Variants in PSD3 observed in about 807,000 individuals in gnomAD.
PSD3 encodes PH and SEC7 domain-containing protein 3.
PSD3 carries 49 observed loss-of-function variants against 105.5 expected under a neutral mutation model. The observed-to-expected ratio is 0.46, with a 90% CI of 0.37 to 0.59. The LOEUF (loss-of-function observed/expected upper bound fraction) is 0.59. Among genes scored for constraint, PSD3 ranks in the 20% least tolerant of loss-of-function variants. The pLI is 0.00. For missense variants in PSD3, 1,561 were observed against 1,263.8 expected (o/e 1.24, Z -3.57); for synonymous variants, 557 against 457.8 (o/e 1.22, Z -2.77).
Position 18,871,736 on chromosome 8 carries a change from C to T in PSD3, c.1128G>A (p.Ser376=), listed in dbSNP as rs200166498. Residue 376 remains serine, a synonymous_variant, in exon 3 of 16, where the codon TCG becomes TCA. Transcript: ENST00000327040. The part of the protein sequence containing the change: ...KAPSERPGTS[S]GTFSPVRLDE... Reference sequence around the variant, plus strand: ...CAAGACGCACAGGGGAAAATGTCCCCGAGCTAGTGCCAGGCCTCTCTGAAG... The same window carrying T: ...CAAGACGCACAGGGGAAAATGTCCCTGAGCTAGTGCCAGGCCTCTCTGAAG... 2.0e-5 allele frequency: 33 copies of T among 1,614,022 alleles called. No homozygotes were observed. Among genetic ancestry groups the T allele is most frequent in the African/African-American group, 1.6e-4 (12 of 74,888 alleles).
At chr8:18,730,080 G>T (rs1188696928) in intron 9 of PSD3, 1 of 152,164 alleles carries the variant, frequency 6.6e-6, no homozygotes, top group Non-Finnish European at 1.5e-5. Context: ...TCAAAAATAA[G>T]AAATATGCTC....
At chr8:18,539,814 G>A (rs1014053814) in intron 15 of PSD3, among the ~76,000 whole-genome samples, 35 of 152,094 alleles carry the variant, frequency 2.3e-4, no homozygotes, top group African/African-American at 8.4e-4. Flanking sequence ...TCAAACTGCT[G>A]GGATTACAAG....
rs531084578 is a variant in PSD3, at chr8:18,677,926, T to C, written c.2173-22241A>G. 2.3e-3 allele frequency among the ~76,000 whole-genome samples: 345 copies of C among 150,164 alleles called. 2 individuals are homozygous for C. The highest frequency in any genetic ancestry group is 7.9e-3 in the African/African-American group (324 of 40,774). ...TCGGGAGGCTGAAGCAGGAGAGTGG[T>C]GTGAACCTGGGAGGCAGAGCTTGCA... On this transcript the variant is annotated intron_variant, in intron 9 of 15. Transcript: ENST00000327040.
chr8:18,613,324 G>A (rs1045634664), intron 11 of PSD3, among the ~76,000 whole-genome samples: 37 of 152,126 alleles, frequency 2.4e-4, no homozygotes, highest in African/African-American at 8.5e-4. Flanking sequence ...GGGGCCTTGG[G>A]AAGTTTGCAC....
chr8:18,940,775 C>T (rs1822485037), intron 1 of PSD3, among the ~76,000 whole-genome samples: 1 of 152,190 alleles, frequency 6.6e-6, no homozygotes, highest in Non-Finnish European at 1.5e-5. Flanking sequence ...TGTGCCCCTT[C>T]CCTAGATATA....
At chr8:18,555,851 C>CT (rs1190207297) in intron 15 of PSD3, among the ~76,000 whole-genome samples, 2 of 152,108 alleles carry the variant, frequency 1.3e-5, no homozygotes, top group Non-Finnish European at 2.9e-5. Context: ...CTCCCTTGTG[C>CT]TTTTTTTGAC....
rs1023967073 is a variant in PSD3 at position 19,072,184 on chromosome 8, C to T, written c.324+12022G>A. On this transcript the variant is annotated intron_variant, in intron 1 of 1. Coordinates refer to the PSD3 transcript ENST00000521475. ...TGGCACGATCTCTGCTCACTGCAGCCTCCACCTCCTGGGTTCAAGCAATTC... is the reference window on the plus strand; with the variant it reads ...TGGCACGATCTCTGCTCACTGCAGCTTCCACCTCCTGGGTTCAAGCAATTC... Among the ~76,000 whole-genome samples, 3 of 151,808 alleles carry T rather than the reference C, an allele frequency of 2.0e-5. No individual in the cohort carries two copies. The South Asian group carries it at 6.2e-4, about 32-fold the overall frequency.
chr8:18,916,325 TATATATATATATATATATATATATAC>T (rs1820590452), intron 2 of PSD3, among the ~76,000 whole-genome samples: 2 of 57,628 alleles, frequency 3.5e-5, no homozygotes, highest in Non-Finnish European at 6.4e-5. Flanking sequence ...TATATATATA[TATATATATATATATATATATATATAC>T]ACACACACAC....
At chr8:18,757,234 T>C (rs1806124760) in intron 9 of PSD3, among the ~76,000 whole-genome samples, 1 of 150,552 alleles carries the variant, frequency 6.6e-6, no homozygotes, top group Admixed American at 6.6e-5. Flanking sequence ...GGGTGGATCA[T>C]TTGAGGTCAG....
intron 1 of PSD3, among the ~76,000 whole-genome samples, chr8:18,992,765 G>C (rs1825872267): frequency 6.6e-6 from 1 of 151,930 alleles, no homozygotes; most frequent in Non-Finnish European, 1.5e-5. Context: ...TAGTGGACTT[G>C]AAGTCAACAC....
chr8:18,793,756 T>C (rs1809971406), intron 8 of PSD3, among the ~76,000 whole-genome samples: 1 of 152,122 alleles, frequency 6.6e-6, no homozygotes, highest in South Asian at 2.1e-4. Flanking sequence ...AGAAGAGGTA[T>C]CCACAGGGAA....
At chr8:18,679,760 TCACTATG>T (rs1411498766) in intron 9 of PSD3, among the ~76,000 whole-genome samples, 5 of 152,198 alleles carry the variant, frequency 3.3e-5, no homozygotes, top group African/African-American at 1.2e-4. Flanking sequence ...GGCCAATGTT[TCACTATG>T]CACCAACCAA....
At chr8:18,684,320 G>A (rs1800548334) in intron 9 of PSD3, among the ~76,000 whole-genome samples, 1 of 150,768 alleles carries the variant, frequency 6.6e-6, no homozygotes, top group Non-Finnish European at 1.5e-5. Context: ...ATTCCAAAAA[G>A]CAACACTATT....
intron 11 of PSD3, among the ~76,000 whole-genome samples, chr8:18,628,151 T>C (rs868845501): frequency 3.3e-5 from 5 of 151,934 alleles, no homozygotes; most frequent in Non-Finnish European, 5.9e-5. Flanking sequence ...GAGTATCATA[T>C]AGCAAACAAG....
chr8:19,004,737 C>T lies in PSD3; in HGVS notation c.21+8826G>A, dbSNP rs182418403. On this transcript the variant is annotated intron_variant, in intron 1 of 15. Transcript: ENST00000327040. ...CGGAACTCCCACAATTCCCATGTGT[C>T]GTGTGAGGAAGCCGGTGGAAGGTAA... Among the ~76,000 whole-genome samples the T allele has an allele frequency of 1.3e-5, 2 of 152,004 alleles. 1 individual carries two copies. The highest frequency in any genetic ancestry group is 2.9e-5 in the Non-Finnish European group (2 of 67,960).
intron 14 of PSD3, among the ~76,000 whole-genome samples, chr8:18,567,700 G>C (rs1178367437): frequency 1.3e-5 from 2 of 152,150 alleles, no homozygotes; most frequent in Non-Finnish European, 2.9e-5. Context: ...CAACACTTGA[G>C]CACATTTTCC....
At chr8:18,945,509 T>C (rs1563449949) in intron 1 of PSD3, among the ~76,000 whole-genome samples, 1 of 152,224 alleles carries the variant, frequency 6.6e-6, no homozygotes, top group Non-Finnish European at 1.5e-5. Flanking sequence ...CTAAGACTCC[T>C]TTCCGACTTC....
Position 18,801,576 on chromosome 8 carries a change from T to C in PSD3, c.1911-194A>G, listed in dbSNP as rs111262260. On this transcript the variant is annotated intron_variant, in intron 6 of 15. Coordinates refer to ENST00000327040, the MANE Select transcript of PSD3 (RefSeq NM_015310.4). ...AATTGGTATTAGTATTTAAATTCTATAAAAAGCACTGTGGGAGGCCAAGGC... is the reference window on the plus strand; with the variant it reads ...AATTGGTATTAGTATTTAAATTCTACAAAAAGCACTGTGGGAGGCCAAGGC... Among the ~76,000 whole-genome samples the C allele has an allele frequency of 3.9e-5, 6 of 152,176 alleles. 1 individual carries two copies. The highest frequency in any genetic ancestry group is 1.3e-4 in the Admixed American group (2 of 15,266).
intron 9 of PSD3, among the ~76,000 whole-genome samples, chr8:18,712,116 G>T (rs1203517046): frequency 6.6e-6 from 1 of 152,072 alleles, no homozygotes; most frequent in Non-Finnish European, 1.5e-5. Context: ...CTGGGACACA[G>T]CTAAAGCAAT....
Sources: gnomAD v4.1 joint callset for allele counts (sites outside exome capture counted in the v4.1 genomes callset) on GRCh38, gnomAD v4.1.1 for gene constraint, MANE v1.5 for transcripts, NCBI Gene and HGNC (gene_info 2026-07-23, HGNC 2026-07-21) for gene names.